The following GPR82 variants were observed in gnomAD, a reference collection of about 807,000 sequenced individuals.
GPR82 encodes the protein G protein-coupled receptor 82.
GPR82 carries 6 observed loss-of-function variants against 12.9 expected under a neutral mutation model. The ratio of observed to expected loss-of-function variants is 0.46; its 90% CI spans 0.25 to 0.92. GPR82 has a LOEUF of 0.92. GPR82 is among the 40% of genes least tolerant of loss of function. The pLI is 0.16. For missense variants in GPR82, 241 were observed against 245.5 expected (o/e 0.98, Z 0.12); for synonymous variants, 90 against 87.6 (o/e 1.03, Z -0.15).
At chrX:41,725,570 G>A (rs898410232) in intron 1 of GPR82, among the ~76,000 whole-genome samples, 2 of 111,585 alleles carry the variant, frequency 1.8e-5, no homozygotes, top group Non-Finnish European at 3.8e-5. Flanking sequence ...TAGAGATCAT[G>A]GTTCTTATTT....
rs896785607 is a variant in GPR82 at position 41,727,584 on chromosome X, A to G, written c.558A>G (p.Leu186=). ...AGGCTACAGAAGGAGAAGAGAGCCT[A>G]TGCTACAATCGGCAGATGGAACTAG... ...VIEATEGEES[L]CYNRQMELGA... The change falls in exon 3 of 3, where the codon CTA becomes CTG. Residue 186 remains leucine, a synonymous_variant. Coordinates refer to ENST00000302548, the MANE Select transcript of GPR82 (RefSeq NM_080817.5). 4.1e-6 allele frequency: 5 copies of G among 1,205,219 alleles called. No homozygotes were observed. The highest frequency in any genetic ancestry group is 3.4e-6 in the Non-Finnish European group (3 of 889,419).
At chrX:41,726,882 A>C in intron 2 of GPR82, 39 bp downstream of exon 2, 2 of 356,847 alleles carry the variant, frequency 5.6e-6, no homozygotes, top group Non-Finnish European at 9.6e-6. Context: ...CATCCAATAC[A>C]TTTTTGTTAC....
Position 41,729,972 on chromosome X carries a change from T to C in GPR82, c.*1935T>C, listed in dbSNP as rs1416331113. On this transcript the variant is annotated 3_prime_UTR_variant, in exon 3 of 3. Coordinates refer to ENST00000302548, the MANE Select transcript of GPR82 (RefSeq NM_080817.5). ...GACTATATTCTGTAATAAGTACATA[T>C]ATTATGATTAAAAAAAAAAGCGTGT... The C allele has an allele frequency of 8.6e-6, 1 of 116,712 alleles. No individual in the cohort carries two copies. The highest frequency in any genetic ancestry group is 3.4e-5 in the African/African-American group (1 of 29,006). The allele number at this position is 116,712 out of a possible 1,213,427, so 9.6% of individuals were successfully genotyped here. A position where few individuals can be genotyped will look rare whatever the true frequency, so the allele number is the denominator to read the frequency against.
rs1380492937 is a variant in GPR82, at chrX:41,729,787, T to C, written c.*1750T>C. 2 of 80,135 alleles carry C rather than the reference T, an allele frequency of 2.5e-5. No individual in the cohort carries two copies. The highest frequency in any genetic ancestry group is 5.1e-5 in the African/African-American group (1 of 19,780). The allele number at this position is 80,135 out of a possible 1,213,427, so 6.6% of individuals were successfully genotyped here. On this transcript the variant is annotated 3_prime_UTR_variant, in exon 3 of 3. Coordinates refer to ENST00000302548, the MANE Select transcript of GPR82 (RefSeq NM_080817.5). ...AAAAAAAAAAAAAAAAAAAAATATATATATATATATATATATATATGTATG... is the reference window on the plus strand; with the variant it reads ...AAAAAAAAAAAAAAAAAAAAATATACATATATATATATATATATATGTATG...
chrX:41,727,562 C>T lies in GPR82; in HGVS notation c.536C>T (p.Ala179Val). ...ACCGTATACTACTCAGTCATAGAGG[C>T]TACAGAAGGAGAAGAGAGCCTATGC... ...PVTVYYSVIE[A>V]TEGEESLCYN... The change falls in exon 3 of 3, where the codon GCT becomes GTT. Residue 179 changes from alanine to valine, a missense_variant. Physicochemically the swap from Ala to Val is moderately conservative, Grantham distance 64. Coordinates refer to ENST00000302548, the MANE Select transcript of GPR82 (RefSeq NM_080817.5). The T allele has an allele frequency of 8.3e-7, 1 of 1,205,561 alleles. No homozygotes were observed. The highest frequency in any genetic ancestry group is 1.7e-5 in the African/African-American group (1 of 57,656).
Position 41,728,128 on chromosome X carries a change from G to A in GPR82, c.*91G>A. 9.8e-6 allele frequency: 4 copies of A among 409,486 alleles called. No individual in the cohort carries two copies. Among genetic ancestry groups the A allele is most frequent in the Admixed American group, 5.4e-5 (1 of 18,690 alleles). The allele number at this position is 409,486 out of a possible 1,213,427, so 33.7% of individuals were successfully genotyped here. The stretch of plus-strand genomic sequence containing the variant: ...CTACATCATTAACATGTCACAGCTT[G>A]GTTGACAATAATCACCAAGAAAATC... On this transcript the variant is annotated 3_prime_UTR_variant, in exon 3 of 3. Transcript: ENST00000302548.
intron 1 of GPR82, among the ~76,000 whole-genome samples, chrX:41,724,660 G>A (rs1195628624): frequency 1.8e-5 from 2 of 111,610 alleles, no homozygotes; most frequent in African/African-American, 3.3e-5. Context: ...ATTTTTGAAG[G>A]AGATGTACAT....
Position 41,727,576 on chromosome X carries a change from G to C in GPR82, c.550G>C (p.Glu184Gln). Reference protein sequence around the residue: ...YSVIEATEGEESLCYNRQMEL... With the variant: ...YSVIEATEGEQSLCYNRQMEL... ...AGTCATAGAGGCTACAGAAGGAGAA[G>C]AGAGCCTATGCTACAATCGGCAGAT... The change falls in exon 3 of 3, where the codon GAG (glutamate) becomes CAG (glutamine). Residue 184 changes from glutamate (E) to glutamine (Q), a missense_variant. Glu to Gln is a conservative substitution (Grantham distance 29). Transcript: ENST00000302548. 1 of 1,204,208 alleles carries C rather than the reference G, an allele frequency of 8.3e-7. No homozygotes were observed. Among genetic ancestry groups the C allele is most frequent in the Non-Finnish European group, 1.1e-6 (1 of 888,627 alleles).
At chrX:41,726,592 T>G (rs1481945129) in intron 1 of GPR82, among the ~76,000 whole-genome samples, 181 bp from the exon 2 acceptor site, 1 of 112,431 alleles carries the variant, frequency 8.9e-6, no homozygotes, top group East Asian at 2.8e-4. Context: ...CGCAAAATAC[T>G]TCTGTAATAC....
rs1380492937 is a variant in GPR82 at position 41,729,787 on chromosome X, T to A, written c.*1750T>A. 1.0e-4 allele frequency: 8 copies of A among 80,122 alleles called. No homozygotes were observed. The highest frequency in any genetic ancestry group is 1.5e-4 in the African/African-American group (3 of 19,797). 6.6% of individuals were successfully genotyped at this position (80,122 alleles called of 1,213,427 possible). On this transcript the variant is annotated 3_prime_UTR_variant, in exon 3 of 3. Coordinates refer to ENST00000302548, the MANE Select transcript of GPR82 (RefSeq NM_080817.5). ...AAAAAAAAAAAAAAAAAAAAATATATATATATATATATATATATATGTATG... is the reference window on the plus strand; with the variant it reads ...AAAAAAAAAAAAAAAAAAAAATATAAATATATATATATATATATATGTATG...
chrX:41,725,270 T>C (rs1225572546), intron 1 of GPR82, among the ~76,000 whole-genome samples: 1 of 111,858 alleles, frequency 8.9e-6, no homozygotes, highest in Non-Finnish European at 1.9e-5. Context: ...TAAAAAGTTA[T>C]TATAAAATTA....
At position 41,727,982 on chromosome X, in the gene GPR82, C is replaced by T. The variant is rs772194674; in HGVS notation, c.956C>T (p.Thr319Ile). The T allele has an allele frequency of 1.1e-5, 13 of 1,154,522 alleles. No individual in the cohort carries two copies. In the South Asian group the frequency reaches 2.5e-4, roughly 22 times the overall value. ...TTATTAGATAAAACATTCAAGAAGA[C>T]ACTATATAATCTCTTTACAAAGTCT... ...FLLLDKTFKK[T>I]LYNLFTKSNS... The change falls in exon 3 of 3, where the codon ACA becomes ATA. Residue 319 changes from threonine (T) to isoleucine (I), a missense_variant. Physicochemically the swap from Thr to Ile is moderately conservative, Grantham distance 89. Coordinates refer to ENST00000302548, the MANE Select transcript of GPR82 (RefSeq NM_080817.5).
In GPR82 at chrX:41,727,539, C is replaced by T. The variant is rs757644139; in HGVS notation, c.513C>T (p.Thr171=). The T allele has an allele frequency of 1.2e-5, 15 of 1,205,507 alleles. No homozygotes were observed. In the Admixed American group the frequency reaches 2.4e-4, roughly 19 times the overall value. ...TACTGGGCATAATCATTCCAGTTAC[C>T]GTATACTACTCAGTCATAGAGGCTA... ...GVVLGIIIPV[T]VYYSVIEATE... Residue 171 remains threonine (T), a synonymous_variant, in exon 3 of 3, where the codon ACC becomes ACT. Transcript: ENST00000302548.
rs763780051 is a variant in GPR82 at position 41,726,710 on chromosome X, T to C, written c.-105-63T>C. 1.7e-4 allele frequency: 26 copies of C among 155,305 alleles called. No homozygotes were observed. The East Asian group carries it at 3.3e-3, about 20-fold the overall frequency. The allele number at this position is 155,305 out of a possible 1,213,427, so 12.8% of individuals were successfully genotyped here. On this transcript the variant is annotated intron_variant, in intron 1 of 2. Coordinates refer to ENST00000302548, the MANE Select transcript of GPR82 (RefSeq NM_080817.5). ...TGTTTTACAATCTAAGAACTATACA[T>C]TTCTCTAAGTAAAATTATAAATCCC...
In GPR82 at chrX:41,728,863, T is replaced by G. The variant is rs2068316026; in HGVS notation, c.*826T>G. The G allele has an allele frequency of 8.0e-6, 1 of 124,227 alleles. No individual in the cohort carries two copies. The highest frequency in any genetic ancestry group is 1.9e-5 in the Non-Finnish European group (1 of 53,460). 10.2% of individuals were successfully genotyped at this position (124,227 alleles called of 1,213,427 possible). A position where few individuals can be genotyped will look rare whatever the true frequency, so the allele number is the denominator to read the frequency against. On this transcript the variant is annotated 3_prime_UTR_variant, in exon 3 of 3. Coordinates refer to ENST00000302548, the MANE Select transcript of GPR82 (RefSeq NM_080817.5). Reference sequence around the variant, plus strand: ...AATCCAAGGTTTTATAAACATATTATTTATTTGAAATTATCTGGCTCATGT... The same window carrying G: ...AATCCAAGGTTTTATAAACATATTAGTTATTTGAAATTATCTGGCTCATGT...
rs770734916 is a variant in GPR82 at position 41,727,948 on chromosome X, A to T, written c.922A>T (p.Ile308Leu). 5 of 1,175,421 alleles carry T rather than the reference A, an allele frequency of 4.3e-6. No individual in the cohort carries two copies. In the East Asian group the frequency reaches 1.5e-4, roughly 35 times the overall value. Reference protein sequence around the residue: ...ASARSSTDPIIFLLLDKTFKK... With the variant: ...ASARSSTDPILFLLLDKTFKK... ...GGCCAGAAGTAGCACAGACCCCATT[A>T]TATTTCTTTTATTAGATAAAACATT... The change falls in exon 3 of 3, where the codon ATA (isoleucine) becomes TTA (leucine). Residue 308 changes from isoleucine to leucine, a missense_variant. Coordinates refer to ENST00000302548, the MANE Select transcript of GPR82 (RefSeq NM_080817.5).
At chrX:41,726,879 T>C in intron 2 of GPR82, 36 bp downstream of exon 2, 1 of 353,823 alleles carries the variant, frequency 2.8e-6, no homozygotes, top group South Asian at 9.7e-5. Context: ...TTCCATCCAA[T>C]ACATTTTTGT....
At chrX:41,725,987 G>A (rs1037280492) in intron 1 of GPR82, among the ~76,000 whole-genome samples, 1 of 112,380 alleles carries the variant, frequency 8.9e-6, no homozygotes, top group Non-Finnish European at 1.9e-5. Context: ...AAGTAGCTGG[G>A]ACTCCAGGCA....
At position 41,727,114 on chromosome X, in the gene GPR82, G is replaced by A. The variant is rs778390954; in HGVS notation, c.88G>A (p.Val30Ile). 3 of 1,184,373 alleles carry A rather than the reference G, an allele frequency of 2.5e-6. No homozygotes were observed. In the African/African-American group the frequency reaches 5.3e-5, roughly 21 times the overall value. The change falls in exon 3 of 3, where the codon GTT becomes ATT. Residue 30 changes from valine (V) to isoleucine (I), a missense_variant. By Grantham distance (29) the Val-to-Ile change is conservative. Coordinates refer to ENST00000302548, the MANE Select transcript of GPR82 (RefSeq NM_080817.5). ...TTACATCCTCCTTTGTATTGTTGGT[G>A]TTTTTGGAAACACTCTCTCTCAATG... ...IIYILLCIVG[V>I]FGNTLSQWIF...
Sources: gnomAD v4.1 joint callset for allele counts (sites outside exome capture counted in the v4.1 genomes callset) on GRCh38, gnomAD v4.1.1 for gene constraint, MANE v1.5 for transcripts, NCBI Gene and HGNC (gene_info 2026-07-23, HGNC 2026-07-21) for gene names.